Variants in ARSB observed in about 807,000 individuals in gnomAD.
ARSB encodes the protein N-acetylgalactosamine-4-sulfatase.
Under a neutral mutation model 50.9 loss-of-function variants are expected in ARSB, and 41 were observed. The observed-to-expected ratio is 0.81, with a 90% confidence interval of 0.63 to 1.04. ARSB has a LOEUF of 1.04. ARSB is among the 50% of genes least tolerant of loss of function. The probability of loss-of-function intolerance (pLI) is 0.00; values close to 1 mark genes in which losing one functional copy is unlikely to be tolerated. For missense variants in ARSB, 672 were observed against 693.3 expected (o/e 0.97, Z 0.35); for synonymous variants, 269 against 284.8 (o/e 0.94, Z 0.56).
intron 4 of ARSB, among the ~76,000 whole-genome samples, chr5:78,946,143 G>A (rs1348652453): frequency 1.3e-5 from 2 of 152,148 alleles, no homozygotes; most frequent in African/African-American, 2.4e-5. Flanking sequence ...ATAACTCATT[G>A]GCAGGAAAGT....
chr5:78,895,257 G>A lies in ARSB; in HGVS notation c.899-9430C>T, dbSNP rs564086099. 5.3e-5 allele frequency among the ~76,000 whole-genome samples: 8 copies of A among 152,304 alleles called. No homozygotes were observed. In the South Asian group the frequency reaches 1.5e-3, roughly 28 times the overall value. On this transcript the variant is annotated intron_variant, in intron 4 of 7. Transcript: ENST00000264914. ...CTGGACATAATCTTTGTAGAAGGAG[G>A]AAAGGAGAAGAAAAGTATAAATTGT...
At chr5:78,972,501 A>G (rs1241483858) in intron 1 of ARSB, among the ~76,000 whole-genome samples, 7 of 137,530 alleles carry the variant, frequency 5.1e-5, no homozygotes, top group African/African-American at 1.9e-4. Context: ...CTCTTAGCAC[A>G]TTTGCACGCA....
At chr5:78,781,727 T>C in intron 7 of ARSB, 125 bp downstream of exon 7, 2 of 1,431,684 alleles carry the variant, frequency 1.4e-6, no homozygotes, top group African/African-American at 1.4e-5. Flanking sequence ...ATGTCCTCTC[T>C]TTCCAGAGAA....
intron 5 of ARSB, among the ~76,000 whole-genome samples, chr5:78,878,973 C>T (rs1190618037): frequency 6.6e-6 from 1 of 152,098 alleles, no homozygotes. Flanking sequence ...CCTGCCTCAG[C>T]CTCCTGAGTA....
At chr5:78,980,317 T>C (rs2112565722) in intron 1 of ARSB, among the ~76,000 whole-genome samples, 1 of 152,344 alleles carries the variant, frequency 6.6e-6, no homozygotes, top group Non-Finnish European at 1.5e-5. Flanking sequence ...AAATTACAAA[T>C]GCATCTATCC....
chr5:78,907,630 T>G (rs13154740), intron 4 of ARSB, among the ~76,000 whole-genome samples: 1 of 152,012 alleles, frequency 6.6e-6, no homozygotes, highest in African/African-American at 2.4e-5. Flanking sequence ...TCTATTATAT[T>G]TTTTAAAATT....
intron 6 of ARSB, among the ~76,000 whole-genome samples, chr5:78,836,559 C>G (rs1744963506): frequency 6.6e-6 from 1 of 152,178 alleles, no homozygotes; most frequent in African/African-American, 2.4e-5. Context: ...AGTAAATGTC[C>G]TTACAGTCTA....
At chr5:78,803,447 C>T (rs747720863) in intron 6 of ARSB, among the ~76,000 whole-genome samples, 2 of 152,188 alleles carry the variant, frequency 1.3e-5, no homozygotes, top group South Asian at 2.1e-4. Context: ...CCCTTGATCA[C>T]GAGGTAATTA....
At chr5:78,795,344 C>A (rs1434655595) in intron 6 of ARSB, among the ~76,000 whole-genome samples, 1 of 152,128 alleles carries the variant, frequency 6.6e-6, no homozygotes, top group Non-Finnish European at 1.5e-5. Flanking sequence ...GCTGGATGCC[C>A]CCATGTGGGT....
chr5:78,960,996 T>C (rs1447058205), intron 3 of ARSB, among the ~76,000 whole-genome samples: 1 of 152,226 alleles, frequency 6.6e-6, no homozygotes, highest in African/African-American at 2.4e-5. Context: ...AAATGGTAAT[T>C]AGCAGTACCT....
intron 6 of ARSB, among the ~76,000 whole-genome samples, chr5:78,790,247 G>C (rs138801868): frequency 6.6e-6 from 1 of 152,226 alleles, no homozygotes; most frequent in Non-Finnish European, 1.5e-5. Context: ...TGCACTTTTG[G>C]AGCCAGACTG....
At chr5:78,818,396 G>A (rs1744081067) in intron 6 of ARSB, among the ~76,000 whole-genome samples, 1 of 152,048 alleles carries the variant, frequency 6.6e-6, no homozygotes. Context: ...GATACTCTTA[G>A]TTATATCTGA....
At chr5:78,867,551 G>T (rs1030546713) in intron 5 of ARSB, among the ~76,000 whole-genome samples, 1 of 151,976 alleles carries the variant, frequency 6.6e-6, no homozygotes, top group African/African-American at 2.4e-5. Context: ...CCCCCCAGCA[G>T]GGGCACACTG....
chr5:78,933,130 A>G (rs1750414254), intron 4 of ARSB, among the ~76,000 whole-genome samples: 1 of 152,226 alleles, frequency 6.6e-6, no homozygotes, highest in Non-Finnish European at 1.5e-5. Context: ...CACAGAGGTG[A>G]CACTGCTCAT....
At chr5:78,964,700 C>T in intron 2 of ARSB, 94 bp from the exon 3 acceptor site, 1 of 1,184,784 alleles carries the variant, frequency 8.4e-7, no homozygotes, top group Non-Finnish European at 1.2e-6. Context: ...CAATTGATTA[C>T]CCGTGACGAG....
At chr5:78,958,450 G>A (rs1751832472) in intron 3 of ARSB, among the ~76,000 whole-genome samples, 1 of 151,954 alleles carries the variant, frequency 6.6e-6, no homozygotes, top group African/African-American at 2.4e-5. Flanking sequence ...AAAGATTTGG[G>A]GATCATTATT....
intron 6 of ARSB, among the ~76,000 whole-genome samples, chr5:78,811,716 T>C (rs1455899940): frequency 6.6e-6 from 1 of 152,186 alleles, no homozygotes; most frequent in Non-Finnish European, 1.5e-5. Context: ...AAAACAGATG[T>C]GTGAGAGGAA....
At chr5:78,946,366 C>T (rs1244090620) in intron 4 of ARSB, among the ~76,000 whole-genome samples, 1 of 152,154 alleles carries the variant, frequency 6.6e-6, no homozygotes, top group Non-Finnish European at 1.5e-5. Context: ...CACAAAAAAA[C>T]TATTAGGACT....
chr5:78,787,907 G>T (rs549379882), intron 6 of ARSB, among the ~76,000 whole-genome samples: 1 of 152,260 alleles, frequency 6.6e-6, no homozygotes. Flanking sequence ...AAGTGGATTC[G>T]CTGCCTAGGG....
Sources: allele counts gnomAD v4.1 joint callset (sites outside exome capture counted in the v4.1 genomes callset), GRCh38; gene constraint gnomAD v4.1.1; transcripts MANE v1.5; gene names NCBI Gene and HGNC (gene_info 2026-07-23, HGNC 2026-07-21).